The following GRM7 variants were observed in gnomAD, a reference collection of about 807,000 sequenced individuals.
GRM7 encodes glutamate metabotropic receptor 7.
Under a neutral mutation model 84.5 loss-of-function variants are expected in GRM7, and 35 were observed. That is an observed-to-expected ratio of 0.41 (90% CI 0.32 to 0.55). The LOEUF is 0.55. GRM7 is among the 20% of genes least tolerant of loss of function. The pLI, the probability that GRM7 is intolerant of heterozygous loss-of-function variation, is 0.19. For missense variants in GRM7, 1,003 were observed against 1,194.6 expected (o/e 0.84, Z 2.36); for synonymous variants, 487 against 455.1 (o/e 1.07, Z -0.89).
chr3:7,177,658 CAGGG>C (rs1258804455), intron 2 of GRM7, among the ~76,000 whole-genome samples: 2 of 149,466 alleles, frequency 1.3e-5, no homozygotes, highest in Non-Finnish European at 3.0e-5. Context: ...GAATGAAATG[CAGGG>C]AGGGAGGGAG....
At chr3:7,460,736 G>C (rs1272443181) in intron 6 of GRM7, among the ~76,000 whole-genome samples, 4 of 152,158 alleles carry the variant, frequency 2.6e-5, no homozygotes, top group Non-Finnish European at 4.4e-5. Context: ...AAAAACTCAT[G>C]TCTTGCATTA....
intron 2 of GRM7, among the ~76,000 whole-genome samples, chr3:7,251,145 T>C (rs1011470451): frequency 2.0e-5 from 3 of 152,084 alleles, no homozygotes; most frequent in Admixed American, 6.6e-5. Flanking sequence ...AGACATAAGG[T>C]GAATGAATAT....
intron 1 of GRM7, among the ~76,000 whole-genome samples, chr3:7,007,182 C>A (rs1169968868): frequency 2.0e-5 from 3 of 152,146 alleles, no homozygotes; most frequent in Non-Finnish European, 4.4e-5. Flanking sequence ...TGATTTTTGG[C>A]TCTGCCATTT....
At chr3:7,442,535 A>G (rs1378002724) in intron 5 of GRM7, among the ~76,000 whole-genome samples, 1 of 152,136 alleles carries the variant, frequency 6.6e-6, no homozygotes, top group African/African-American at 2.4e-5. Context: ...TGGTTCTGAA[A>G]TGTCCTTTCA....
intron 8 of GRM7, among the ~76,000 whole-genome samples, chr3:7,643,968 G>C (rs1698486183): frequency 1.3e-5 from 2 of 151,646 alleles, no homozygotes; most frequent in South Asian, 2.1e-4. Context: ...GTCTTGGAGA[G>C]AAGATCATCA....
chr3:7,131,758 T>A (rs1044717274), intron 1 of GRM7, among the ~76,000 whole-genome samples: 1 of 152,192 alleles, frequency 6.6e-6, no homozygotes, highest in Admixed American at 6.5e-5. Flanking sequence ...ATGCTGGGAT[T>A]ACAGGCGTGA....
intron 5 of GRM7, among the ~76,000 whole-genome samples, chr3:7,433,093 A>G (rs573347319): frequency 9.8e-5 from 15 of 152,354 alleles, no homozygotes; most frequent in African/African-American, 3.6e-4. Flanking sequence ...TATGGACACA[A>G]TAATGGTGAA....
chr3:7,222,969 T>C (rs1397573457), intron 2 of GRM7, among the ~76,000 whole-genome samples: 1 of 152,192 alleles, frequency 6.6e-6, no homozygotes, highest in African/African-American at 2.4e-5. Context: ...AGTTTTGAAA[T>C]TATACATTTT....
intron 4 of GRM7, among the ~76,000 whole-genome samples, chr3:7,337,918 A>G (rs1204833917): frequency 6.6e-6 from 1 of 151,910 alleles, no homozygotes; most frequent in Non-Finnish European, 1.5e-5. Flanking sequence ...TCTACCCAGA[A>G]GAAGTCATTA....
At chr3:7,591,316 C>T in intron 8 of GRM7, 13 of 188,458 alleles carry the variant, frequency 6.9e-5, no homozygotes, top group South Asian at 2.3e-4. Flanking sequence ...TTAAAATGTC[C>T]AATCTCATAT....
chr3:7,139,071 A>C lies in GRM7; in HGVS notation c.520-7381A>C, dbSNP rs1693861293. On this transcript the variant is annotated intron_variant, in intron 1 of 9. Transcript: ENST00000357716. The stretch of plus-strand genomic sequence containing the variant: ...TTTATAATATATAGTACATTATATA[A>C]TATTATATAATGTACTATATTATAC... 2.0e-5 allele frequency among the ~76,000 whole-genome samples: 3 copies of C among 147,404 alleles called. No homozygotes were observed. In the South Asian group the frequency reaches 6.3e-4, roughly 31 times the overall value.
At chr3:7,725,134 G>C (rs1702079177) in intron 9 of GRM7, among the ~76,000 whole-genome samples, 1 of 152,136 alleles carries the variant, frequency 6.6e-6, no homozygotes, top group African/African-American at 2.4e-5. Context: ...AACACTTCGA[G>C]AGTGACAGTG....
intron 1 of GRM7, among the ~76,000 whole-genome samples, chr3:6,918,808 C>T (rs556476156): frequency 3.9e-5 from 6 of 152,192 alleles, no homozygotes; most frequent in South Asian, 2.1e-4. Context: ...TGGAGGTATT[C>T]GGAGCCATGG....
At position 7,011,961 on chromosome 3, in the gene GRM7, A is replaced by T. The variant is rs373739725; in HGVS notation, c.520-134491A>T. 4.6e-5 allele frequency among the ~76,000 whole-genome samples: 7 copies of T among 152,308 alleles called. No homozygotes were observed. The South Asian group carries it at 1.5e-3, about 32-fold the overall frequency. ...TGTCTTGCAAATGAAGGTTCCTAGA[A>T]GAGAGTGTTCTTCTCAAATAAAATA... is the stretch of plus-strand genomic sequence containing the variant. On this transcript the variant is annotated intron_variant, in intron 1 of 9. Coordinates refer to ENST00000357716, the MANE Select transcript of GRM7 (RefSeq NM_000844.4).
intron 1 of GRM7, among the ~76,000 whole-genome samples, chr3:6,873,443 C>T (rs560502563): frequency 8.5e-5 from 13 of 152,262 alleles, no homozygotes; most frequent in African/African-American, 3.1e-4. Flanking sequence ...GAACATAGTT[C>T]AGATTCCTGC....
chr3:7,454,098 T>A (rs375590032), intron 6 of GRM7, among the ~76,000 whole-genome samples: 62,828 of 146,136 alleles, frequency 0.43, 15,037 homozygotes, highest in Non-Finnish European at 0.56. Context: ...ACACTCTCTC[T>A]CTCTCTCTCT....
intron 1 of GRM7, among the ~76,000 whole-genome samples, chr3:7,118,053 A>G (rs1041289454): frequency 6.6e-6 from 1 of 152,154 alleles, no homozygotes; most frequent in Middle Eastern, 3.2e-3. Context: ...ATTTCTGTCA[A>G]AGGGAAAGAT....
chr3:7,192,415 A>G (rs1436957322), intron 2 of GRM7, among the ~76,000 whole-genome samples: 1 of 151,976 alleles, frequency 6.6e-6, no homozygotes, highest in Non-Finnish European at 1.5e-5. Flanking sequence ...CCCTGAACCA[A>G]CTTCCTCAAA....
chr3:7,336,407 C>T (rs551365480), intron 4 of GRM7, among the ~76,000 whole-genome samples: 1 of 152,038 alleles, frequency 6.6e-6, no homozygotes, highest in Admixed American at 6.6e-5. Flanking sequence ...GTAATAAAAG[C>T]CATCTGTGAC....
Sources: gnomAD v4.1 joint callset for allele counts (sites outside exome capture counted in the v4.1 genomes callset) on GRCh38, gnomAD v4.1.1 for gene constraint, MANE v1.5 for transcripts, NCBI Gene and HGNC (gene_info 2026-07-23, HGNC 2026-07-21) for gene names.